RFX1: variants seen among roughly 807,000 people sequenced by gnomAD.
RFX1 encodes the protein MHC class II regulatory factor RFX1.
Under a neutral mutation model 119.6 loss-of-function variants are expected in RFX1, and 42 were observed. That is an observed-to-expected ratio of 0.35 (90% confidence interval 0.27 to 0.45). The LOEUF is 0.45. Among genes scored for constraint, RFX1 ranks in the 20% least tolerant of loss-of-function variants. RFX1 has a pLI of 1.00. For synonymous variants in RFX1, 628 were observed against 618.5 expected, an observed-to-expected ratio of 1.02 and a Z score of -0.23; for missense variants, 1,118 against 1,368.1, an observed-to-expected ratio of 0.82 and a Z score of 2.88.
In RFX1 at chr19:13,980,792, C is replaced by T. The variant is rs1211841174; in HGVS notation, c.622-103G>A. 2.5e-5 allele frequency: 17 copies of T among 673,490 alleles called. No homozygotes were observed. Among genetic ancestry groups the T allele is most frequent in the Non-Finnish European group, 3.5e-5 (14 of 397,910 alleles). 41.7% of individuals were successfully genotyped at this position (673,490 alleles called of 1,614,324 possible). A position where few individuals can be genotyped will look rare whatever the true frequency, so the allele number is the denominator to read the frequency against. On this transcript the variant is annotated intron_variant, in intron 5 of 20. Transcript: ENST00000254325. The surrounding 1 kb of genome is among the most constrained non-coding windows in gnomAD (Gnocchi z 5.1). ...TCTCAGGAGAGCTGTCTGGGGAGGG[C>T]GGCAGTCTGTGGGGACCTATCCCAA...
chr19:13,975,865 GGA>G (rs1008140652), intron 8 of RFX1, among the ~76,000 whole-genome samples: 4 of 152,218 alleles, frequency 2.6e-5, no homozygotes, highest in Non-Finnish European at 5.9e-5. Context: ...TCACTCAGAG[GGA>G]GAGACAGAAG....
chr19:13,970,715 C>A, intron 9 of RFX1, among the ~76,000 whole-genome samples: 1 of 137,036 alleles, frequency 7.3e-6, no homozygotes, highest in Admixed American at 7.4e-5. Context: ...GACGTGGTGG[C>A]TCATGCCTGT....
At position 13,963,403 on chromosome 19, in the gene RFX1, C is replaced by G. The variant is rs554425082; in HGVS notation, c.2571-128G>C. ...TCAGGCTGGATCCCGCACAGCCTTCCCGGCACATGAGCCCAGGGCCCCAGC... is the reference window on the plus strand; with the variant it reads ...TCAGGCTGGATCCCGCACAGCCTTCGCGGCACATGAGCCCAGGGCCCCAGC... On this transcript the variant is annotated intron_variant, in intron 18 of 20. Transcript: ENST00000254325. 5,411 of 1,431,540 alleles carry G rather than the reference C, an allele frequency of 3.8e-3. 7 individuals carry two copies. Among genetic ancestry groups the G allele is most frequent in the Non-Finnish European group, 4.6e-3 (4,935 of 1,065,580 alleles). The allele number at this position is 1,431,540 out of a possible 1,614,324, so 88.7% of individuals were successfully genotyped here.
rs566340245 is a variant in RFX1 at position 13,971,527 on chromosome 19, C to T, written c.1314+1216G>A. The stretch of plus-strand genomic sequence containing the variant: ...TTCTAGGCACAGGGAGGTTCCAGCA[C>T]CCGCCTTCCTGATGGTGGAAGAACC... On this transcript the variant is annotated intron_variant, in intron 9 of 20. Coordinates refer to ENST00000254325, the MANE Select transcript of RFX1 (RefSeq NM_002918.5). 1.2e-4 allele frequency among the ~76,000 whole-genome samples: 19 copies of T among 152,182 alleles called. No homozygotes were observed. In the South Asian group the frequency reaches 3.7e-3, roughly 30 times the overall value.
rs562834008 is a variant in RFX1, at chr19:13,966,924, C to A, written c.1733-173G>T. ...CAGGACGGGCCCAGGAGTGAGGGCC[C>A]ACACTCCTCTGGCAGAGAGGACAGG... On this transcript the variant is annotated intron_variant, in intron 12 of 20. Transcript: ENST00000254325. This position sits in a 1 kb window ranked among gnomAD's most constrained non-coding sequence, Gnocchi z 6.3. 6.6e-6 allele frequency among the ~76,000 whole-genome samples: 1 copy of A among 152,308 alleles called. No individual in the cohort carries two copies. Among genetic ancestry groups the A allele is most frequent in the East Asian group, 1.9e-4 (1 of 5,184 alleles).
intron 16 of RFX1, among the ~76,000 whole-genome samples, chr19:13,964,853 T>G (rs1230081805): frequency 1.3e-5 from 2 of 152,192 alleles, no homozygotes; most frequent in African/African-American, 4.8e-5. Context: ...TTCATTGCTG[T>G]GTACTGAGAA....
chr19:13,984,844 T>C (rs371784855), intron 2 of RFX1, among the ~76,000 whole-genome samples: 3 of 152,326 alleles, frequency 2.0e-5, no homozygotes, highest in African/African-American at 7.2e-5. Flanking sequence ...TGTTAGACTC[T>C]GGACAGCCAG....
At position 13,968,985 on chromosome 19, in the gene RFX1, T is replaced by A; in HGVS notation, c.1497-91A>T. 1 of 1,386,504 alleles carries A rather than the reference T, an allele frequency of 7.2e-7. No individual in the cohort carries two copies. Among genetic ancestry groups the A allele is most frequent in the Non-Finnish European group, 9.8e-7 (1 of 1,024,996 alleles). 85.9% of individuals were successfully genotyped at this position (1,386,504 alleles called of 1,614,324 possible). On this transcript the variant is annotated intron_variant, in intron 10 of 20. Coordinates refer to ENST00000254325, the MANE Select transcript of RFX1 (RefSeq NM_002918.5). The surrounding 1 kb of genome is among the most constrained non-coding windows in gnomAD (Gnocchi z 5.5). The stretch of plus-strand genomic sequence containing the variant: ...TCACAGCACACCCGTCTCCTCTCTG[T>A]TAGGAGAATGGATAGAGAGACGCCT...
chr19:13,965,529 T>C lies in RFX1; in HGVS notation c.2131A>G (p.Ile711Val), dbSNP rs1973865832. The change falls in exon 16 of 21, where the codon ATC (isoleucine) becomes GTC (valine). Residue 711 changes from isoleucine (I) to valine (V), a missense_variant. By Grantham distance (29) the Ile-to-Val change is conservative. Around this residue, in one of 5 missense-constraint regions of RFX1, gnomAD observed 338 missense variants for 508.9 expected, o/e 0.66. Transcript: ENST00000254325. This position sits in a 1 kb window ranked among gnomAD's most constrained non-coding sequence, Gnocchi z 4.7. ...RPIPSALTQAIRNFAKSLESW... is the reference protein window; with the variant it reads ...RPIPSALTQAVRNFAKSLESW... ...TCCAGGCTCTTGGCAAAGTTCCGGA[T>C]CGCTTGGGTCAAGGCACCTGTGGGC... 4.3e-6 allele frequency: 7 copies of C among 1,613,090 alleles called. No homozygotes were observed. Among genetic ancestry groups the C allele is most frequent in the Non-Finnish European group, 5.1e-6 (6 of 1,179,820 alleles).
chr19:13,968,498 C>T lies in RFX1; in HGVS notation c.1732+67G>A. 3 of 1,340,000 alleles carry T rather than the reference C, an allele frequency of 2.2e-6. No individual in the cohort carries two copies. The highest frequency in any genetic ancestry group is 3.2e-6 in the Non-Finnish European group (3 of 934,032). The allele number at this position is 1,340,000 out of a possible 1,614,324, so 83.0% of individuals were successfully genotyped here. On this transcript the variant is annotated intron_variant, in intron 12 of 20. Transcript: ENST00000254325. This position sits in a 1 kb window ranked among gnomAD's most constrained non-coding sequence, Gnocchi z 5.5. ...TCAGAGGCTGCCTGCCGCCATCCAG[C>T]TTTGGGAACCGTCTGCACGGGGCAG...
chr19:13,965,288 C>T lies in RFX1; in HGVS notation c.2211+161G>A, dbSNP rs1973855968. The stretch of plus-strand genomic sequence containing the variant: ...GCCTGAGGACACTGGTTTATAAAGA[C>T]AATGCCCAGGGTGCTCCCCGAGGCG... On this transcript the variant is annotated intron_variant, in intron 16 of 20. Transcript: ENST00000254325. This position sits in a 1 kb window ranked among gnomAD's most constrained non-coding sequence, Gnocchi z 4.7. 6.6e-6 allele frequency among the ~76,000 whole-genome samples: 1 copy of T among 152,182 alleles called. No individual in the cohort carries two copies. The highest frequency in any genetic ancestry group is 1.5e-5 in the Non-Finnish European group (1 of 68,030).
rs772914025 is a variant in RFX1, at chr19:13,986,880, C to T, written c.320-3285G>A. 3.1e-4 allele frequency among the ~76,000 whole-genome samples: 47 copies of T among 152,136 alleles called. No individual in the cohort carries two copies. Among genetic ancestry groups the T allele is most frequent in the Admixed American group, 6.5e-4 (10 of 15,286 alleles). On this transcript the variant is annotated intron_variant, in intron 2 of 20. Transcript: ENST00000254325. This position sits in a 1 kb window ranked among gnomAD's most constrained non-coding sequence, Gnocchi z 4.2. Reference sequence around the variant, plus strand: ...CCACCCTGGGGGCCTGGCCCCCTTCCCCATAGACAGATGGGGCCACCTGAC... The same window carrying T: ...CCACCCTGGGGGCCTGGCCCCCTTCTCCATAGACAGATGGGGCCACCTGAC...
At chr19:13,964,387 C>CTT (rs990253908) in intron 16 of RFX1, among the ~76,000 whole-genome samples, 3 of 124,254 alleles carry the variant, frequency 2.4e-5, no homozygotes, top group East Asian at 4.0e-4. Flanking sequence ...CAGGAAAGGC[C>CTT]TTTTTTTTTT....
intron 2 of RFX1, among the ~76,000 whole-genome samples, chr19:13,991,318 C>G (rs558351922): frequency 6.6e-6 from 1 of 152,214 alleles, no homozygotes; most frequent in South Asian, 2.1e-4. Context: ...TTTCTTGGAG[C>G]ATGAAGTTCA....
intron 1 of RFX1, among the ~76,000 whole-genome samples, chr19:14,004,198 C>G (rs1435368557): frequency 6.6e-6 from 1 of 152,116 alleles, no homozygotes; most frequent in African/African-American, 2.4e-5. Flanking sequence ...CCACGCCCAG[C>G]CTGCTCAGTT....
intron 2 of RFX1, 56 bp from the exon 3 acceptor site, chr19:13,983,651 G>A: frequency 1.4e-6 from 2 of 1,435,748 alleles, no homozygotes; most frequent in Non-Finnish European, 1.9e-6. Flanking sequence ...CCCAGCCTAA[G>A]CCTGAGCCCC....
chr19:13,978,557 C>G (rs1488657923), intron 7 of RFX1, among the ~76,000 whole-genome samples: 1 of 152,098 alleles, frequency 6.6e-6, no homozygotes, highest in Non-Finnish European at 1.5e-5. Flanking sequence ...CCACCTCCAT[C>G]CCCCACCCTT....
rs1422469220 is a variant in RFX1, at chr19:13,969,184, TG to T, written c.1497-291del. The stretch of plus-strand genomic sequence containing the variant: ...CCGAGACGTGAGCGGAGGTGAGCCA[TG>T]GGGGTTGCAAAGGAGAGGAAGAGAG... On this transcript the variant is annotated intron_variant, in intron 10 of 20. Coordinates refer to ENST00000254325, the MANE Select transcript of RFX1 (RefSeq NM_002918.5). This position sits in a 1 kb window ranked among gnomAD's most constrained non-coding sequence, Gnocchi z 4.5. Among the ~76,000 whole-genome samples the T allele has an allele frequency of 6.6e-6, 1 of 151,654 alleles. No homozygotes were observed. The highest frequency in any genetic ancestry group is 2.4e-5 in the African/African-American group (1 of 41,268).
chr19:13,992,428 G>A (rs56158432), intron 2 of RFX1, among the ~76,000 whole-genome samples: 272 of 152,304 alleles, frequency 1.8e-3, no homozygotes, highest in African/African-American at 6.4e-3. Context: ...ATGCTCAGAG[G>A]GCAACAGGTC....
Sources: gnomAD v4.1 joint callset for allele counts (sites outside exome capture counted in the v4.1 genomes callset) on GRCh38, gnomAD v4.1.1 for gene constraint, gnomAD v4.1.1 regional missense constraint, Gnocchi (gnomAD v3.1) non-coding constraint, MANE v1.5 for transcripts, NCBI Gene and HGNC (gene_info 2026-07-23, HGNC 2026-07-21) for gene names.